The following ANK3 variants were observed in gnomAD, a reference collection of about 807,000 sequenced individuals.
ANK3 encodes the protein ankyrin-3.
A neutral mutation model predicts 370.9 loss-of-function variants in ANK3; 57 were observed. The ratio of observed to expected loss-of-function variants is 0.15; its 90% CI spans 0.12 to 0.19. The LOEUF (loss-of-function observed/expected upper bound fraction) is 0.19, where lower values mean the gene tolerates loss of function less well. Among genes scored for constraint, ANK3 ranks in the 10% least tolerant of loss-of-function variants. The pLI is 1.00. For missense variants in ANK3, 4,439 were observed against 5,302.1 expected (o/e 0.84, Z 5.06); for synonymous variants, 1,929 against 1,946.3 (o/e 0.99, Z 0.23).
At chr10:60,392,912 G>C (rs947579073), upstream of ANK3, among the ~76,000 whole-genome samples, 1 of 151,832 alleles carries the variant, frequency 6.6e-6, no homozygotes, top group Non-Finnish European at 1.5e-5. Context: ...CTGGGTGACA[G>C]AGCAAGGCTC....
intron 1 of ANK3, among the ~76,000 whole-genome samples, chr10:60,319,725 A>T (rs941297409): frequency 6.6e-6 from 1 of 152,148 alleles, no homozygotes; most frequent in African/African-American, 2.4e-5. Flanking sequence ...TGCTGTGAAG[A>T]CTTCTTTCTC....
chr10:60,417,290 T>C (rs1191067902), intron 2 of ANK3, among the ~76,000 whole-genome samples: 1 of 152,090 alleles, frequency 6.6e-6, no homozygotes, highest in Admixed American at 6.5e-5. Flanking sequence ...TCCAGGTGGT[T>C]TGAGAAACAG....
chr10:60,626,896 G>A (rs10821805), intron 1 of ANK3, among the ~76,000 whole-genome samples: 40,900 of 151,870 alleles, frequency 0.27, 6,626 homozygotes, highest in South Asian at 0.49. Flanking sequence ...GCTGGGGAGG[G>A]AGACCAGGAC....
chr10:60,508,099 A>C (rs142820827), intron 2 of ANK3: 2 of 152,268 alleles, frequency 1.3e-5, no homozygotes, highest in East Asian at 3.9e-4. Flanking sequence ...ACTTCAGACC[A>C]TTCTTTCAGC....
At chr10:60,682,627 G>C (rs549412855) in intron 1 of ANK3, among the ~76,000 whole-genome samples, 1 of 152,186 alleles carries the variant, frequency 6.6e-6, no homozygotes, top group East Asian at 1.9e-4. Flanking sequence ...TTCCTGGTTA[G>C]GGTCCTACCC....
chr10:60,247,748 A>G (rs1592424851), intron 7 of ANK3, among the ~76,000 whole-genome samples: 1 of 151,864 alleles, frequency 6.6e-6, no homozygotes, highest in Non-Finnish European at 1.5e-5. Flanking sequence ...GCTCACTGCA[A>G]CCTCCGCCTC....
chr10:60,105,812 T>C (rs765234757), intron 28 of ANK3, 93 bp downstream of exon 28: 111 of 1,321,194 alleles, frequency 8.4e-5, no homozygotes, highest in Non-Finnish European at 1.1e-4. Context: ...AAAATACAAA[T>C]GTGTGAAATT....
At chr10:60,188,315 T>G (rs1476982997) in intron 16 of ANK3, among the ~76,000 whole-genome samples, 2 of 152,154 alleles carry the variant, frequency 1.3e-5, no homozygotes, top group East Asian at 1.9e-4. Context: ...AGAAAGAGTT[T>G]TGGGGGATGT....
chr10:60,456,514 T>C (rs978520967), intron 2 of ANK3, among the ~76,000 whole-genome samples: 1 of 152,180 alleles, frequency 6.6e-6, no homozygotes, highest in African/African-American at 2.4e-5. Flanking sequence ...CTGACACTAT[T>C]CGCCTAACTG....
intron 40 of ANK3, chr10:60,060,686 G>A (rs919271609): frequency 6.6e-6 from 1 of 152,158 alleles, no homozygotes; most frequent in Non-Finnish European, 1.5e-5. Flanking sequence ...TGTAGTTTTA[G>A]GGTGTTGTAC....
intron 1 of ANK3, among the ~76,000 whole-genome samples, chr10:60,299,009 G>A (rs1233476487): frequency 1.3e-5 from 2 of 152,178 alleles, no homozygotes; most frequent in Admixed American, 6.5e-5. Context: ...TATTTTTAGA[G>A]TGATACGATT....
At position 60,462,504 on chromosome 10, in the gene ANK3, T is replaced by C. The variant is rs1253839569; in HGVS notation, c.96+152682A>G. ...TCTAAGACTTTGAATCATTTCTCCA[T>C]TTTAGTCTTGTTCTTCCTGTACAGA... is the stretch of plus-strand genomic sequence containing the variant. On this transcript the variant is annotated intron_variant, in intron 2 of 43. Transcript: ENST00000373827. Among the ~76,000 whole-genome samples the C allele has an allele frequency of 5.9e-5, 9 of 152,120 alleles. 1 individual carries two copies. The highest frequency in any genetic ancestry group is 1.9e-4 in the East Asian group (1 of 5,194).
chr10:60,396,542 G>A (rs2132891156), intron 2 of ANK3, among the ~76,000 whole-genome samples: 1 of 152,174 alleles, frequency 6.6e-6, no homozygotes, highest in East Asian at 1.9e-4. Context: ...TTAACTTATA[G>A]CTTAATAACA....
chr10:60,483,004 C>T (rs145114897), intron 2 of ANK3, among the ~76,000 whole-genome samples: 1 of 152,328 alleles, frequency 6.6e-6, no homozygotes, highest in Non-Finnish European at 1.5e-5. Flanking sequence ...AGCGTCACAT[C>T]GTTCTCGTGC....
At position 60,627,476 on chromosome 10, in the gene ANK3, G is replaced by T. The variant is rs1443606665; in HGVS notation, c.58-12252C>A. On this transcript the variant is annotated intron_variant, in intron 1 of 43. Coordinates refer to the ANK3 transcript ENST00000373827. The stretch of plus-strand genomic sequence containing the variant: ...CAGAAACCTCTACACAGGGAATAAA[G>T]GTCTTAATGATCAAGGCTAATTAAT... 3.3e-5 allele frequency among the ~76,000 whole-genome samples: 5 copies of T among 152,108 alleles called. No homozygotes were observed. The South Asian group carries it at 1.0e-3, about 32-fold the overall frequency.
intron 2 of ANK3, among the ~76,000 whole-genome samples, chr10:60,455,888 A>T (rs1307417098): frequency 6.6e-6 from 1 of 152,196 alleles, no homozygotes; most frequent in Non-Finnish European, 1.5e-5. Context: ...GGGAGATGCG[A>T]TGGATGATAT....
chr10:60,673,505 C>T (rs1465559912), intron 1 of ANK3, among the ~76,000 whole-genome samples: 1 of 152,114 alleles, frequency 6.6e-6, no homozygotes, highest in African/African-American at 2.4e-5. Flanking sequence ...TGCCTGCCAC[C>T]ACACCTAGCT....
At chr10:60,726,766 C>A (rs373442004) in intron 1 of ANK3, among the ~76,000 whole-genome samples, 1 of 151,946 alleles carries the variant, frequency 6.6e-6, no homozygotes. Flanking sequence ...CTGAATTGAG[C>A]GCTTTAGATG....
At position 60,526,048 on chromosome 10, in the gene ANK3, T is replaced by C. The variant is rs575701469; in HGVS notation, c.96+89138A>G. Among the ~76,000 whole-genome samples, 58 of 152,130 alleles carry C rather than the reference T, an allele frequency of 3.8e-4. 1 individual carries two copies. The highest frequency in any genetic ancestry group is 2.5e-4 in the Non-Finnish European group (17 of 68,008). On this transcript the variant is annotated intron_variant, in intron 2 of 43. Transcript: ENST00000373827. ...TAATGTGAGCTAGCCCAGGTTTACA[T>C]GGAACTTGTCAGAAACTCTGACTCC...
Sources: gnomAD v4.1 joint callset for allele counts (sites outside exome capture counted in the v4.1 genomes callset) on GRCh38, gnomAD v4.1.1 for gene constraint, MANE v1.5 for transcripts, NCBI Gene and HGNC (gene_info 2026-07-23, HGNC 2026-07-21) for gene names.